The following ARMC9 variants were observed in gnomAD, a reference collection of about 807,000 sequenced individuals.
ARMC9 encodes lisH domain-containing protein ARMC9.
ARMC9 carries 94 observed loss-of-function variants against 107.0 expected under a neutral mutation model. The ratio of observed to expected loss-of-function variants is 0.88; its 90% CI spans 0.74 to 1.04. ARMC9 has a LOEUF of 1.04. Among genes scored for constraint, ARMC9 ranks in the 50% least tolerant of loss-of-function variants. The probability of loss-of-function intolerance (pLI) is 0.00; values close to 1 mark genes in which losing one functional copy is unlikely to be tolerated. For missense variants in ARMC9, 942 were observed against 1,030.1 expected, an observed-to-expected ratio of 0.91 and a Z score of 1.17; for synonymous variants, 380 against 396.9, an observed-to-expected ratio of 0.96 and a Z score of 0.51.
At chr2:231,353,952 C>T (rs2045215696) in intron 21 of ARMC9, among the ~76,000 whole-genome samples, 1 of 151,038 alleles carries the variant, frequency 6.6e-6, no homozygotes, top group African/African-American at 2.5e-5. Context: ...TTAAATCTTT[C>T]TGTAACAATG....
intron 18 of ARMC9, chr2:231,294,530 A>G (rs3731781): frequency 0.29 from 44,669 of 152,372 alleles, 6,951 homozygotes; most frequent in African/African-American, 0.35. Context: ...GAGGTCTACA[A>G]GGCACTTCAC....
chr2:231,247,131 A>G (rs1379403137), intron 9 of ARMC9, among the ~76,000 whole-genome samples: 2 of 151,764 alleles, frequency 1.3e-5, no homozygotes, highest in Admixed American at 1.3e-4. Context: ...AATTTTTTGT[A>G]TTTTTAGTAG....
intron 11 of ARMC9, among the ~76,000 whole-genome samples, chr2:231,261,855 C>T (rs568313393): frequency 3.3e-5 from 5 of 151,594 alleles, no homozygotes; most frequent in South Asian, 4.2e-4. Context: ...CCGAGTCTTG[C>T]TCTGTCGCCC....
rs1322623414 is a variant in ARMC9 at position 231,296,182 on chromosome 2, C to A, written c.1718-16C>A. 2 of 1,602,926 alleles carry A rather than the reference C, an allele frequency of 1.2e-6. No individual in the cohort carries two copies. Among genetic ancestry groups the A allele is most frequent in the East Asian group, 2.2e-5 (1 of 44,774 alleles). On this transcript the variant is annotated splice_polypyrimidine_tract_variant and intron_variant, in intron 18 of 24. Transcript: ENST00000611582. ...ACTGTTTATCCATTATTCATTGATT[C>A]TTTTTTTCTTTATAGAAGAGCTACC...
chr2:231,270,933 ATC>A, intron 12 of ARMC9, 47 bp from the exon 13 acceptor site: 1 of 1,539,598 alleles, frequency 6.5e-7, no homozygotes, highest in Non-Finnish European at 9.0e-7. Flanking sequence ...GCGTGTGTTT[ATC>A]TCTCCGTGTT....
At chr2:231,226,070 T>G (rs1479271211) in intron 6 of ARMC9, among the ~76,000 whole-genome samples, 1 of 152,230 alleles carries the variant, frequency 6.6e-6, no homozygotes, top group Non-Finnish European at 1.5e-5. Context: ...TTGGCCAGGC[T>G]GGTCTCAAAC....
chr2:231,256,845 G>A (rs767370421), intron 10 of ARMC9, among the ~76,000 whole-genome samples: 1 of 152,074 alleles, frequency 6.6e-6, no homozygotes, highest in Non-Finnish European at 1.5e-5. Flanking sequence ...GTTTTTTTGA[G>A]ACAGAGTTTC....
chr2:231,204,238 G>C (rs577012234), intron 1 of ARMC9, among the ~76,000 whole-genome samples: 2 of 148,816 alleles, frequency 1.3e-5, no homozygotes, highest in East Asian at 4.0e-4. Flanking sequence ...TACTCTCTCT[G>C]AGCCTCCTGT....
At chr2:231,349,327 A>G (rs1344212388) in intron 21 of ARMC9, among the ~76,000 whole-genome samples, 6 of 152,232 alleles carry the variant, frequency 3.9e-5, no homozygotes, top group African/African-American at 1.4e-4. Flanking sequence ...TAAGCCAGGC[A>G]CAGAAAGTCA....
rs766117085 is a variant in ARMC9 at position 231,220,458 on chromosome 2, A to T, written c.505-2270A>T. Among the ~76,000 whole-genome samples the T allele has an allele frequency of 4.6e-5, 7 of 152,038 alleles. No individual in the cohort carries two copies. In the East Asian group the frequency reaches 1.2e-3, roughly 25 times the overall value. On this transcript the variant is annotated intron_variant, in intron 5 of 24. Transcript: ENST00000611582. Reference sequence around the variant, plus strand: ...CTAAAAATACAAAAATTAGCTGGGCATGGTGGCTAATGCCTGTAATCCCAG... The same window carrying T: ...CTAAAAATACAAAAATTAGCTGGGCTTGGTGGCTAATGCCTGTAATCCCAG...
At chr2:231,311,368 G>A (rs1005868293) in intron 19 of ARMC9, among the ~76,000 whole-genome samples, 1 of 152,052 alleles carries the variant, frequency 6.6e-6, no homozygotes, top group Non-Finnish European at 1.5e-5. Context: ...GGACAGGGCC[G>A]TATCAGTGTG....
At chr2:231,322,385 T>C (rs1418888650) in intron 19 of ARMC9, among the ~76,000 whole-genome samples, 1 of 152,252 alleles carries the variant, frequency 6.6e-6, no homozygotes, top group Non-Finnish European at 1.5e-5. Flanking sequence ...TCTGAGAAGG[T>C]GTCTCAAATT....
intron 8 of ARMC9, among the ~76,000 whole-genome samples, chr2:231,237,782 T>TATA (rs1491260929): frequency 8.0e-5 from 2 of 24,876 alleles, no homozygotes; most frequent in African/African-American, 3.2e-4. Context: ...TATATATATA[T>TATA]TTTTTTTTTT....
intron 20 of ARMC9, among the ~76,000 whole-genome samples, chr2:231,332,854 C>T (rs1230761329): frequency 1.3e-5 from 2 of 152,158 alleles, no homozygotes; most frequent in African/African-American, 2.4e-5. Flanking sequence ...AACTTTGAAG[C>T]TGGTGGTTGC....
chr2:231,240,644 C>G (rs560068318), intron 9 of ARMC9, among the ~76,000 whole-genome samples: 19 of 152,294 alleles, frequency 1.2e-4, no homozygotes, highest in African/African-American at 4.6e-4. Flanking sequence ...GGAATATTCT[C>G]TCATATAACT....
intron 19 of ARMC9, among the ~76,000 whole-genome samples, chr2:231,330,182 A>AT (rs2043625198): frequency 6.7e-6 from 1 of 149,132 alleles, no homozygotes; most frequent in Non-Finnish European, 1.5e-5. Context: ...GATTCTTACC[A>AT]TATTGTTTTC....
Position 231,214,885 on chromosome 2 carries a change from T to G in ARMC9, c.232T>G (p.Trp78Gly). The change falls in exon 4 of 25, where the codon TGG becomes GGG. Residue 78 changes from tryptophan (W) to glycine (G), a missense_variant. Physicochemically the swap from Trp to Gly is radical, Grantham distance 184. Transcript: ENST00000611582. ...NGDQKVFFDL[W>G]EEHISSSIRD... The stretch of plus-strand genomic sequence containing the variant: ...AGACCAGAAGGTGTTCTTCGATCTG[T>G]GGGAGGAGCACATTTCAAGTTCCAT... The G allele has an allele frequency of 6.2e-7, 1 of 1,614,176 alleles. No individual in the cohort carries two copies. Among genetic ancestry groups the G allele is most frequent in the Non-Finnish European group, 8.5e-7 (1 of 1,180,030 alleles).
intron 17 of ARMC9, among the ~76,000 whole-genome samples, chr2:231,282,337 C>A (rs976381819): frequency 5.9e-5 from 9 of 152,294 alleles, no homozygotes; most frequent in African/African-American, 2.2e-4. Flanking sequence ...ATCCCTAACT[C>A]CTAAATGGTT....
chr2:231,230,441 A>G (rs1192506355), intron 7 of ARMC9, among the ~76,000 whole-genome samples: 1 of 152,190 alleles, frequency 6.6e-6, no homozygotes, highest in African/African-American at 2.4e-5. Flanking sequence ...TTGACAGGGA[A>G]AATAGAAAGT....
Sources: gnomAD v4.1 joint callset for allele counts (sites outside exome capture counted in the v4.1 genomes callset) on GRCh38, gnomAD v4.1.1 for gene constraint, MANE v1.5 for transcripts, NCBI Gene and HGNC (gene_info 2026-07-23, HGNC 2026-07-21) for gene names.